Variants in ZNF385B observed in about 807,000 individuals in gnomAD.
The protein encoded by ZNF385B is zinc finger protein 385B.
A neutral mutation model predicts 39.2 loss-of-function variants in ZNF385B; 23 were observed. The observed-to-expected ratio is 0.59, with a 90% CI of 0.42 to 0.83. The LOEUF (loss-of-function observed/expected upper bound fraction) is 0.83. ZNF385B is among the 40% of genes least tolerant of loss of function. The pLI, the probability that ZNF385B is intolerant of heterozygous loss-of-function variation, is 0.00. For synonymous variants in ZNF385B, 205 were observed against 222.6 expected (o/e 0.92, Z 0.70); for missense variants, 552 against 598.9 (o/e 0.92, Z 0.82).
intron 3 of ZNF385B, among the ~76,000 whole-genome samples, chr2:179,651,567 C>T (rs1456093328): frequency 6.6e-6 from 1 of 152,140 alleles, no homozygotes; most frequent in Non-Finnish European, 1.5e-5. Flanking sequence ...TTCCCAGTTA[C>T]TTGAATAGAC....
At chr2:179,791,051 C>T (rs1213541411) in intron 1 of ZNF385B, among the ~76,000 whole-genome samples, 1 of 152,172 alleles carries the variant, frequency 6.6e-6, no homozygotes, top group Non-Finnish European at 1.5e-5. Context: ...AGAGATTATT[C>T]CTTCTCATCT....
rs139578411 is a variant in ZNF385B, at chr2:179,703,576, G to C, written c.298+65927C>G. On this transcript the variant is annotated intron_variant, in intron 3 of 9. Coordinates refer to ENST00000410066, the MANE Select transcript of ZNF385B (RefSeq NM_152520.6). ...CTGGCATATAGTAGGTGCTCGATCT[G>C]CTTTTGTTAAATGGAATGAACTAAA... Among the ~76,000 whole-genome samples, 68 of 152,292 alleles carry C rather than the reference G, an allele frequency of 4.5e-4. No homozygotes were observed. In the East Asian group the frequency reaches 0.013, roughly 28 times the overall value.
intron 5 of ZNF385B, 68 bp downstream of exon 5, chr2:179,518,460 A>T: frequency 9.2e-7 from 1 of 1,090,686 alleles, no homozygotes; most frequent in Non-Finnish European, 1.4e-6. Context: ...GAAGAAATGT[A>T]CGTATTTAGA....
At chr2:179,630,722 G>A (rs529437020) in intron 3 of ZNF385B, among the ~76,000 whole-genome samples, 19 of 152,274 alleles carry the variant, frequency 1.2e-4, no homozygotes, top group African/African-American at 2.9e-4. Context: ...AAACTTCTCC[G>A]AGCTAAAGGA....
At chr2:179,671,974 G>C (rs1479667598) in intron 3 of ZNF385B, among the ~76,000 whole-genome samples, 1 of 152,228 alleles carries the variant, frequency 6.6e-6, no homozygotes, top group Non-Finnish European at 1.5e-5. Flanking sequence ...AGACACCCGG[G>C]TAAGATTCCA....
intron 3 of ZNF385B, among the ~76,000 whole-genome samples, chr2:179,663,577 G>A (rs2106283442): frequency 6.6e-6 from 1 of 152,168 alleles, no homozygotes; most frequent in Admixed American, 6.5e-5. Context: ...GGGCGTGGTG[G>A]CGGGCGCCTG....
intron 1 of ZNF385B, among the ~76,000 whole-genome samples, chr2:179,850,550 G>C (rs1341640243): frequency 2.0e-5 from 3 of 152,168 alleles, no homozygotes; most frequent in Non-Finnish European, 4.4e-5. Context: ...TCAAGTGTTT[G>C]CAGGCAACTA....
chr2:179,534,611 G>A (rs750339867), intron 4 of ZNF385B: 12 of 152,086 alleles, frequency 7.9e-5, no homozygotes, highest in Non-Finnish European at 1.6e-4. Flanking sequence ...GGCACAAAGT[G>A]ACTTTCTTGA....
At chr2:179,851,894 C>G (rs1482645234) in intron 1 of ZNF385B, among the ~76,000 whole-genome samples, 4 of 152,152 alleles carry the variant, frequency 2.6e-5, no homozygotes, top group Non-Finnish European at 2.9e-5. Flanking sequence ...TCAAATTTTC[C>G]TAAAGATCAG....
At chr2:179,588,054 T>C (rs1687228319) in intron 3 of ZNF385B, among the ~76,000 whole-genome samples, 1 of 152,110 alleles carries the variant, frequency 6.6e-6, no homozygotes, top group Admixed American at 6.5e-5. Flanking sequence ...CTAACCTCCA[T>C]CGGAAAGGCA....
intron 3 of ZNF385B, among the ~76,000 whole-genome samples, chr2:179,730,338 T>C (rs555149461): frequency 6.6e-4 from 100 of 152,342 alleles, no homozygotes; most frequent in African/African-American, 2.0e-3. Flanking sequence ...GAAGACATTC[T>C]TCCATGTTAT....
intron 3 of ZNF385B, among the ~76,000 whole-genome samples, chr2:179,708,236 C>A (rs545765586): frequency 2.0e-5 from 3 of 152,166 alleles, no homozygotes; most frequent in Admixed American, 6.5e-5. Context: ...GTTTCCCCCA[C>A]GCTGTTCTCT....
chr2:179,796,688 C>T (rs979078469), intron 1 of ZNF385B, among the ~76,000 whole-genome samples: 1 of 152,022 alleles, frequency 6.6e-6, no homozygotes, highest in African/African-American at 2.4e-5. Flanking sequence ...ATAATCTCTC[C>T]AAAAAGTCTT....
intron 3 of ZNF385B, among the ~76,000 whole-genome samples, chr2:179,600,270 TAAAG>T (rs1414930009): frequency 2.6e-5 from 4 of 152,140 alleles, no homozygotes; most frequent in African/African-American, 4.8e-5. Context: ...ATGGGCTCAA[TAAAG>T]AAACGCCAGC....
intron 1 of ZNF385B, among the ~76,000 whole-genome samples, chr2:179,774,192 G>A (rs1410505858): frequency 6.6e-6 from 1 of 151,740 alleles, no homozygotes; most frequent in Non-Finnish European, 1.5e-5. Context: ...TATATGTAGT[G>A]TGTGTGTGGT....
intron 3 of ZNF385B, among the ~76,000 whole-genome samples, chr2:179,591,749 T>TGTGTGGACC (rs1216845332): frequency 1.3e-5 from 2 of 152,114 alleles, no homozygotes; most frequent in Non-Finnish European, 2.9e-5. Context: ...TATGATGGAA[T>TGTGTGGACC]GTGTGGACTG....
chr2:179,729,397 T>C (rs1701236372), intron 3 of ZNF385B, among the ~76,000 whole-genome samples: 1 of 152,108 alleles, frequency 6.6e-6, no homozygotes, highest in Non-Finnish European at 1.5e-5. Flanking sequence ...AAAATGGTGT[T>C]AGACAAACAG....
chr2:179,667,251 G>C (rs192471317), intron 3 of ZNF385B, among the ~76,000 whole-genome samples: 110 of 152,206 alleles, frequency 7.2e-4, no homozygotes, highest in Non-Finnish European at 1.0e-3. Context: ...AAATAATTTA[G>C]AGAATAGCCA....
intron 1 of ZNF385B, among the ~76,000 whole-genome samples, chr2:179,832,022 G>A (rs1449026178): frequency 3.9e-5 from 6 of 152,316 alleles, no homozygotes; most frequent in South Asian, 2.1e-4. Flanking sequence ...AAGACTGCCC[G>A]CATATAACAT....
Sources: allele counts gnomAD v4.1 joint callset (sites outside exome capture counted in the v4.1 genomes callset), GRCh38; gene constraint gnomAD v4.1.1; transcripts MANE v1.5; gene names NCBI Gene and HGNC (gene_info 2026-07-23, HGNC 2026-07-21).